GPBP1: variants seen among roughly 807,000 people sequenced by gnomAD.
GPBP1 encodes GC-rich promoter binding protein 1.
A neutral mutation model predicts 56.5 loss-of-function variants in GPBP1; 13 were observed. The ratio of observed to expected loss-of-function variants is 0.23; its 90% confidence interval spans 0.15 to 0.37. The LOEUF (loss-of-function observed/expected upper bound fraction) is 0.37, where lower values mean the gene tolerates loss of function less well. Ranked by LOEUF, GPBP1 falls within the 10% of genes least tolerant of loss-of-function variation. GPBP1 has a pLI of 1.00. For synonymous variants in GPBP1, 204 were observed against 188.9 expected (o/e 1.08, Z -0.66); for missense variants, 477 against 572.3 (o/e 0.83, Z 1.70).
intron 2 of GPBP1, among the ~76,000 whole-genome samples, chr5:57,209,617 G>T (rs1335352721): frequency 6.9e-6 from 1 of 144,702 alleles, no homozygotes; most frequent in African/African-American, 2.4e-5. Context: ...ATGATGTGCT[G>T]TGGTTTTTTT....
At chr5:57,225,928 A>G (rs1236017531) in intron 3 of GPBP1, among the ~76,000 whole-genome samples, 4 of 152,264 alleles carry the variant, frequency 2.6e-5, no homozygotes, top group Non-Finnish European at 5.9e-5. Flanking sequence ...GTTATGATTA[A>G]TAACAATTCA....
intron 2 of GPBP1, among the ~76,000 whole-genome samples, chr5:57,182,641 G>A (rs1754106853): frequency 6.6e-6 from 1 of 152,066 alleles, no homozygotes; most frequent in African/African-American, 2.4e-5. Context: ...AAAGTGCTGG[G>A]ATTACAGGCG....
intron 6 of GPBP1, among the ~76,000 whole-genome samples, chr5:57,241,556 CT>C (rs1347467201): frequency 3.9e-5 from 6 of 152,074 alleles, no homozygotes; most frequent in African/African-American, 1.4e-4. Flanking sequence ...TGAACCTTGT[CT>C]CTACAAAAAT....
chr5:57,251,082 T>C lies in GPBP1; in HGVS notation c.1101T>C (p.Ile367=), dbSNP rs531890528. ...CCTCAGTGATTTCCCAGCAGATCAT[T>C]CGGTCTTCAACCTTCCCACAAACTG... ...GNASVISQQI[I]RSSTFPQTDV... is the part of the protein sequence containing the mutation. Residue 367 remains isoleucine (I), a synonymous_variant, in exon 10 of 12, where the codon ATT becomes ATC. Coordinates refer to ENST00000506184, the MANE Select transcript of GPBP1 (RefSeq NM_022913.4). The C allele has an allele frequency of 9.9e-6, 16 of 1,613,468 alleles. No individual in the cohort carries two copies. The South Asian group carries it at 1.2e-4, about 12-fold the overall frequency.
chr5:57,197,962 C>T (rs1754839329), intron 2 of GPBP1, among the ~76,000 whole-genome samples: 1 of 151,930 alleles, frequency 6.6e-6, no homozygotes, highest in South Asian at 2.1e-4. Flanking sequence ...TTCTAGGACC[C>T]TGAAAAGCCA....
chr5:57,228,155 C>G (rs1331091542), intron 3 of GPBP1, among the ~76,000 whole-genome samples: 1 of 152,058 alleles, frequency 6.6e-6, no homozygotes, highest in African/African-American at 2.4e-5. Context: ...CCTATATAGT[C>G]TTTTTAGAAT....
intron 3 of GPBP1, chr5:57,221,301 C>T: frequency 9.7e-7 from 1 of 1,031,642 alleles, no homozygotes; most frequent in Admixed American, 2.6e-5. Flanking sequence ...CTAGTTTTTT[C>T]TTTTGTGATT....
intron 6 of GPBP1, among the ~76,000 whole-genome samples, chr5:57,236,736 A>G (rs1451038478): frequency 6.6e-6 from 1 of 152,184 alleles, no homozygotes; most frequent in Non-Finnish European, 1.5e-5. Flanking sequence ...AAAATTTTAT[A>G]CTAAGATTTG....
intron 3 of GPBP1, among the ~76,000 whole-genome samples, chr5:57,226,761 A>G (rs1756217081): frequency 9.4e-6 from 1 of 106,272 alleles, no homozygotes; most frequent in Non-Finnish European, 1.9e-5. Flanking sequence ...TTTTTTTGAG[A>G]CAGAATTTCG....
chr5:57,209,261 G>A (rs1010604479), intron 2 of GPBP1, among the ~76,000 whole-genome samples: 5 of 152,034 alleles, frequency 3.3e-5, no homozygotes, highest in African/African-American at 7.2e-5. Context: ...CTGTGAATAG[G>A]AATAATTTTA....
At chr5:57,240,132 T>C (rs1201708653) in intron 6 of GPBP1, among the ~76,000 whole-genome samples, 3 of 152,108 alleles carry the variant, frequency 2.0e-5, no homozygotes, top group Admixed American at 6.5e-5. Flanking sequence ...GTGTCTGTAG[T>C]CTTAGCTACT....
At chr5:57,256,958 T>C (rs1179467211) in intron 10 of GPBP1, among the ~76,000 whole-genome samples, 1 of 152,194 alleles carries the variant, frequency 6.6e-6, no homozygotes, top group Non-Finnish European at 1.5e-5. Context: ...TCTGTAAACT[T>C]TGTGACTTCT....
chr5:57,232,123 CTT>C (rs1756487467), intron 5 of GPBP1, among the ~76,000 whole-genome samples: 1 of 152,266 alleles, frequency 6.6e-6, no homozygotes, highest in South Asian at 2.1e-4. Context: ...GCAGTCCTCT[CTT>C]GTCTCAGCCT....
At chr5:57,209,544 G>A (rs2111740504) in intron 2 of GPBP1, among the ~76,000 whole-genome samples, 1 of 152,290 alleles carries the variant, frequency 6.6e-6, no homozygotes, top group Admixed American at 6.5e-5. Flanking sequence ...GCTTGTGAAA[G>A]CAGGGCATTC....
intron 6 of GPBP1, among the ~76,000 whole-genome samples, chr5:57,240,958 TAA>T (rs78151789): frequency 3.8e-4 from 55 of 143,958 alleles, no homozygotes; most frequent in Admixed American, 4.1e-4. Context: ...GTCTCCCATT[TAA>T]AAAAAAAAAA....
At chr5:57,246,543 G>T in intron 7 of GPBP1, 59 bp downstream of exon 7, 1 of 1,371,720 alleles carries the variant, frequency 7.3e-7, no homozygotes, top group Non-Finnish European at 1.0e-6. Flanking sequence ...TATGTCCTAT[G>T]GGGGGAAATG....
At chr5:57,187,279 C>G (rs1296812621) in intron 2 of GPBP1, among the ~76,000 whole-genome samples, 1 of 152,056 alleles carries the variant, frequency 6.6e-6, no homozygotes, top group African/African-American at 2.4e-5. Context: ...TGTTAGATAT[C>G]TAATTCATAC....
chr5:57,174,879 G>A (rs1207772832), intron 1 of GPBP1, among the ~76,000 whole-genome samples: 3 of 152,226 alleles, frequency 2.0e-5, no homozygotes, highest in Non-Finnish European at 4.4e-5. Flanking sequence ...TCCCTCAGAA[G>A]TGGGGAAGTC....
chr5:57,181,790 A>C (rs1471994400), intron 2 of GPBP1, among the ~76,000 whole-genome samples: 1 of 152,264 alleles, frequency 6.6e-6, no homozygotes, highest in Non-Finnish European at 1.5e-5. Context: ...ATTTTTCTGG[A>C]AAGGTCCATT....
Sources: allele counts gnomAD v4.1 joint callset (sites outside exome capture counted in the v4.1 genomes callset), GRCh38; gene constraint gnomAD v4.1.1; transcripts MANE v1.5; gene names NCBI Gene and HGNC (gene_info 2026-07-23, HGNC 2026-07-21).